The following DLGAP2 variants were observed in gnomAD, a reference collection of about 807,000 sequenced individuals.
DLGAP2 encodes DLG associated protein 2.
Under a neutral mutation model 100.3 loss-of-function variants are expected in DLGAP2, and 26 were observed. That is an observed-to-expected ratio of 0.26 (90% CI 0.19 to 0.36). The LOEUF (loss-of-function observed/expected upper bound fraction) is 0.36, where lower values mean the gene tolerates loss of function less well. Among genes scored for constraint, DLGAP2 ranks in the 10% least tolerant of loss-of-function variants. DLGAP2 has a pLI of 1.00. For missense variants in DLGAP2, 1,858 were observed against 1,453.2 expected (o/e 1.28, Z -4.53); for synonymous variants, 886 against 630.1 (o/e 1.41, Z -6.08).
chr8:1,036,285 A>G (rs1432593419), intron 2 of DLGAP2, among the ~76,000 whole-genome samples: 2 of 152,256 alleles, frequency 1.3e-5, no homozygotes, highest in Non-Finnish European at 2.9e-5. Context: ...TTTAATGAAC[A>G]CTGTGCTAGA....
intron 2 of DLGAP2, among the ~76,000 whole-genome samples, chr8:1,201,588 G>T (rs549554870): frequency 1.3e-5 from 2 of 152,264 alleles, no homozygotes; most frequent in South Asian, 4.1e-4. Context: ...TGTGGTCACC[G>T]GCACGGCAGG....
chr8:1,177,763 T>G (rs982218892), intron 2 of DLGAP2, among the ~76,000 whole-genome samples: 1 of 152,134 alleles, frequency 6.6e-6, no homozygotes, highest in Non-Finnish European at 1.5e-5. Flanking sequence ...CTTCCTGGTG[T>G]GTAGACCACA....
chr8:821,856 C>T (rs945351393), intron 1 of DLGAP2, among the ~76,000 whole-genome samples: 2 of 152,244 alleles, frequency 1.3e-5, no homozygotes, highest in South Asian at 2.1e-4. Flanking sequence ...TTTCCATGTT[C>T]ATACATCCTG....
In DLGAP2 at chr8:1,229,270, A is replaced by ATT. The variant is rs201952917; in HGVS notation, c.74-29569_74-29568dup. The stretch of plus-strand genomic sequence containing the variant: ...TAGAAAGAGGAGTTCTTCTACCTTG[A>ATT]TTTTTTTTTTTTTGGAATAGTTTTA... On this transcript the variant is annotated intron_variant, in intron 2 of 14. Transcript: ENST00000637795. Among the ~76,000 whole-genome samples the ATT allele has an allele frequency of 2.1e-5, 3 of 144,946 alleles. No individual in the cohort carries two copies. In the South Asian group the frequency reaches 6.5e-4, roughly 32 times the overall value.
At chr8:1,308,918 A>AT (rs886437625) in intron 3 of DLGAP2, among the ~76,000 whole-genome samples, 72 of 151,824 alleles carry the variant, frequency 4.7e-4, no homozygotes, top group East Asian at 9.7e-4. Flanking sequence ...GATCCAAATT[A>AT]TTTTTTTTTA....
chr8:1,540,536 A>G (rs893966566), intron 4 of DLGAP2, among the ~76,000 whole-genome samples: 8 of 151,612 alleles, frequency 5.3e-5, no homozygotes, highest in African/African-American at 1.7e-4. Flanking sequence ...ATGAGAAAAG[A>G]AAAAAAAACA....
intron 2 of DLGAP2, among the ~76,000 whole-genome samples, chr8:998,686 A>AT (rs1563135724): frequency 6.6e-6 from 1 of 152,118 alleles, no homozygotes; most frequent in Non-Finnish European, 1.5e-5. Flanking sequence ...GGTTTGCTTC[A>AT]CGATTTCTTC....
At chr8:1,212,615 A>G (rs888051553) in intron 2 of DLGAP2, among the ~76,000 whole-genome samples, 1 of 152,148 alleles carries the variant, frequency 6.6e-6, no homozygotes, top group African/African-American at 2.4e-5. Flanking sequence ...GTGGTCATCA[A>G]GGAAGGCTGC....
At chr8:1,053,626 A>T (rs1000788798) in intron 2 of DLGAP2, among the ~76,000 whole-genome samples, 4 of 152,122 alleles carry the variant, frequency 2.6e-5, no homozygotes, top group Admixed American at 6.5e-5. Context: ...AATTCCGTGG[A>T]TGTGTACCGT....
At chr8:1,647,163 C>T (rs76521909) in intron 8 of DLGAP2, among the ~76,000 whole-genome samples, 11,939 of 152,188 alleles carry the variant, frequency 0.078, 677 homozygotes, top group African/African-American at 0.16. Context: ...GACAGTCCCC[C>T]AGCTGGTTGC....
chr8:1,097,832 C>A (rs374746843), intron 2 of DLGAP2, among the ~76,000 whole-genome samples: 1 of 57,392 alleles, frequency 1.7e-5, no homozygotes, highest in African/African-American at 7.0e-5. Flanking sequence ...GTCGAGCTGG[C>A]AGCCCGGGGC....
At chr8:851,517 A>G (rs1585931515) in intron 1 of DLGAP2, among the ~76,000 whole-genome samples, 1 of 152,202 alleles carries the variant, frequency 6.6e-6, no homozygotes, top group Non-Finnish European at 1.5e-5. Context: ...GATGAAGACT[A>G]TTTGATCATT....
chr8:778,362 C>T (rs549776344), intron 1 of DLGAP2, among the ~76,000 whole-genome samples: 16 of 152,364 alleles, frequency 1.1e-4, no homozygotes, highest in African/African-American at 3.1e-4. Context: ...AGTCATTCTC[C>T]GTCCAGCTTT....
chr8:1,583,969 T>C (rs1796033174), intron 6 of DLGAP2, among the ~76,000 whole-genome samples: 2 of 152,044 alleles, frequency 1.3e-5, no homozygotes, highest in Non-Finnish European at 2.9e-5. Context: ...CCAGCTCTGA[T>C]TGCCTCCTCT....
intron 1 of DLGAP2, among the ~76,000 whole-genome samples, chr8:749,980 C>A (rs1820750076): frequency 6.6e-6 from 1 of 152,216 alleles, no homozygotes; most frequent in Non-Finnish European, 1.5e-5. Context: ...CCCCTTCCAT[C>A]CATCTCAGAT....
intron 2 of DLGAP2, among the ~76,000 whole-genome samples, chr8:1,225,410 G>T (rs1327366405): frequency 6.6e-6 from 1 of 152,206 alleles, no homozygotes; most frequent in Admixed American, 6.5e-5. Context: ...CGAGGTAATT[G>T]CCAGCGGCAG....
At chr8:1,464,068 C>T (rs1005434262) in intron 3 of DLGAP2, among the ~76,000 whole-genome samples, 1 of 150,716 alleles carries the variant, frequency 6.6e-6, no homozygotes, top group Non-Finnish European at 1.5e-5. Context: ...TCGCAACAGC[C>T]GCCTTCCTGA....
At chr8:970,037 A>G (rs1364862946) in intron 2 of DLGAP2, among the ~76,000 whole-genome samples, 8 of 152,208 alleles carry the variant, frequency 5.3e-5, no homozygotes, top group Admixed American at 3.9e-4. Flanking sequence ...TGTTCACACC[A>G]TTGACAAATG....
intron 3 of DLGAP2, among the ~76,000 whole-genome samples, chr8:1,306,574 C>G (rs1368100935): frequency 3.3e-5 from 5 of 152,076 alleles, no homozygotes; most frequent in African/African-American, 1.2e-4. Context: ...CAAGGGACCC[C>G]AAATACTCAA....
Sources: gnomAD v4.1 joint callset for allele counts (sites outside exome capture counted in the v4.1 genomes callset) on GRCh38, gnomAD v4.1.1 for gene constraint, MANE v1.5 for transcripts, NCBI Gene and HGNC (gene_info 2026-07-23, HGNC 2026-07-21) for gene names.